The following TSPEAR variants were observed in gnomAD, a reference collection of about 807,000 sequenced individuals.
TSPEAR encodes the protein thrombospondin type laminin G domain and EAR repeats, also known as thrombospondin-type laminin G domain and EAR repeat-containing protein.
TSPEAR carries 69 observed loss-of-function variants against 71.6 expected under a neutral mutation model. The observed-to-expected ratio is 0.96, with a 90% CI of 0.79 to 1.18. The LOEUF (loss-of-function observed/expected upper bound fraction) is 1.18, where lower values mean the gene tolerates loss of function less well. Among genes scored for constraint, TSPEAR ranks in the 50% most tolerant of loss-of-function variants. The probability of loss-of-function intolerance (pLI) is 0.00; values close to 1 mark genes in which losing one functional copy is unlikely to be tolerated. For missense variants in TSPEAR, 971 were observed against 894.9 expected (o/e 1.09, Z -1.09); for synonymous variants, 402 against 387.2 (o/e 1.04, Z -0.45).
chr21:44,703,230 A>C (rs1601583930), intron 1 of TSPEAR, among the ~76,000 whole-genome samples: 1 of 152,210 alleles, frequency 6.6e-6, no homozygotes, highest in South Asian at 2.1e-4. Context: ...GGCTTCGGCA[A>C]CCCTAGAGAC....
chr21:44,505,061 TA>T (rs1261753960), intron 10 of TSPEAR, among the ~76,000 whole-genome samples, 180 bp from the exon 11 acceptor site: 4 of 152,196 alleles, frequency 2.6e-5, no homozygotes, highest in East Asian at 3.9e-4. Flanking sequence ...GTTGTTTGCT[TA>T]AAAAAAATTT....
intron 2 of TSPEAR, among the ~76,000 whole-genome samples, chr21:44,540,662 G>A (rs782557789): frequency 2.0e-5 from 3 of 152,230 alleles, no homozygotes; most frequent in Non-Finnish European, 4.4e-5. Flanking sequence ...CAGCCGGAGA[G>A]AAGGTGCAGC....
At position 44,612,856 on chromosome 21, in the gene TSPEAR, C is replaced by G; in HGVS notation, c.83-44851G>C. On this transcript the variant is annotated intron_variant, in intron 1 of 11. Coordinates refer to ENST00000323084, the MANE Select transcript of TSPEAR (RefSeq NM_144991.3). The surrounding 1 kb of genome is among the most constrained non-coding windows in gnomAD (Gnocchi z 4.1). ...CCTGCCTGTCCTTCCTCTGCCGCCCCGCGTGCTCCCGCCTGGCCTGCTGAG... is the reference window on the plus strand; with the variant it reads ...CCTGCCTGTCCTTCCTCTGCCGCCCGGCGTGCTCCCGCCTGGCCTGCTGAG... 1.2e-6 allele frequency: 2 copies of G among 1,612,182 alleles called. No individual in the cohort carries two copies. The highest frequency in any genetic ancestry group is 2.2e-5 in the East Asian group (1 of 44,854).
At chr21:44,676,488 G>T in intron 1 of TSPEAR, 2 of 858,076 alleles carry the variant, frequency 2.3e-6, no homozygotes, top group Admixed American at 1.8e-5. Context: ...TCTGAACAGC[G>T]TGTTCGATTC....
chr21:44,647,119 T>G (rs73909208), intron 1 of TSPEAR: 1 of 1,614,138 alleles, frequency 6.2e-7, no homozygotes, highest in East Asian at 2.2e-5. Context: ...GCAGCCTAGC[T>G]GCCAGCCAGC....
rs1321390903 is a variant in TSPEAR at position 44,522,103 on chromosome 21, T to C, written c.1346A>G (p.His449Arg). The C allele has an allele frequency of 1.1e-5, 17 of 1,613,970 alleles. No individual in the cohort carries two copies. The highest frequency in any genetic ancestry group is 1.4e-5 in the Non-Finnish European group (16 of 1,179,966). The change falls in exon 9 of 12, where the codon CAC becomes CGC. Residue 449 changes from histidine to arginine, a missense_variant. Physicochemically the swap from His to Arg is conservative, Grantham distance 29 (BLOSUM62 0). Transcript: ENST00000323084. ...AVANHREGDN[H>R]NIDSVIYKWN... ...CTTGTAGATGACACTGTCGATGTTG[T>C]GGTTGTCGCCTGGAACCAAGGGACT...
chr21:44,708,231 C>T (rs1221206705), intron 1 of TSPEAR, among the ~76,000 whole-genome samples: 10 of 152,222 alleles, frequency 6.6e-5, no homozygotes, highest in African/African-American at 2.4e-4. Context: ...GAGTGGGGAG[C>T]TGGGCCCCCT....
intron 1 of TSPEAR, among the ~76,000 whole-genome samples, chr21:44,599,465 T>G (rs1460144802): frequency 2.0e-5 from 3 of 152,150 alleles, no homozygotes; most frequent in Admixed American, 2.0e-4. Flanking sequence ...GGGCCACTTC[T>G]CAGGGCCGCA....
Position 44,642,817 on chromosome 21 carries a change from G to C in TSPEAR, c.82+68616C>G, listed in dbSNP as rs946993277. 2.6e-4 allele frequency among the ~76,000 whole-genome samples: 39 copies of C among 152,138 alleles called. No individual in the cohort carries two copies. Among genetic ancestry groups the C allele is most frequent in the Admixed American group, 2.4e-3 (36 of 15,284 alleles). Reference sequence around the variant, plus strand: ...AGATTGTGCCACTGCACTCCAGCCTGGGCAACAGAGCGAGACTCTATCTCA... The same window carrying C: ...AGATTGTGCCACTGCACTCCAGCCTCGGCAACAGAGCGAGACTCTATCTCA... On this transcript the variant is annotated intron_variant, in intron 1 of 11. Transcript: ENST00000323084. This position sits in a 1 kb window ranked among gnomAD's most constrained non-coding sequence, Gnocchi z 4.1.
intron 1 of TSPEAR, among the ~76,000 whole-genome samples, chr21:44,602,856 G>A (rs1369202808): frequency 6.6e-5 from 10 of 152,118 alleles, no homozygotes; most frequent in Non-Finnish European, 7.4e-5. Flanking sequence ...TCCCTTGGTT[G>A]ATTTTGCTCA....
chr21:44,693,118 C>G (rs1373773973), intron 1 of TSPEAR, among the ~76,000 whole-genome samples: 1 of 152,074 alleles, frequency 6.6e-6, no homozygotes. Context: ...AAAGAATAAT[C>G]TCTTCAACAA....
intron 1 of TSPEAR, chr21:44,611,990 T>G: frequency 8.8e-7 from 1 of 1,135,496 alleles, no homozygotes; most frequent in Non-Finnish European, 1.3e-6. Context: ...GGAAGGCTTG[T>G]GAGACTCCTG....
chr21:44,698,457 G>T (rs1555951087), intron 1 of TSPEAR, among the ~76,000 whole-genome samples: 1 of 152,210 alleles, frequency 6.6e-6, no homozygotes, highest in East Asian at 1.9e-4. Flanking sequence ...GTCCCAGGGA[G>T]GGTCAACGGA....
At chr21:44,586,139 C>A (rs1283532991) in intron 1 of TSPEAR, among the ~76,000 whole-genome samples, 1 of 152,242 alleles carries the variant, frequency 6.6e-6, no homozygotes, top group Non-Finnish European at 1.5e-5. Context: ...GGGCACCAGG[C>A]GGTTCTTCTT....
rs2053024460 is a variant in TSPEAR, at chr21:44,533,756, C to T, written c.471G>A (p.Trp157Ter). The change falls in exon 3 of 12, where the codon TGG becomes TGA. Residue 157 changes from tryptophan to a stop codon, truncating the protein, a stop_gained. Transcript: ENST00000323084. LOFTEE classifies it high-confidence loss of function. ...FRSPALVDGR[W>*]HTLVLAVSAG... ...CGGACACAGCCAGGACCAGTGTGTG[C>T]CAGCGGCCATCCACCAGGGCCGGGC... 6.2e-7 allele frequency: 1 copy of T among 1,612,416 alleles called. No individual in the cohort carries two copies. Among genetic ancestry groups the T allele is most frequent in the Non-Finnish European group, 8.5e-7 (1 of 1,179,874 alleles).
chr21:44,504,696 A>C (rs1240314430), intron 11 of TSPEAR, 84 bp downstream of exon 11: 1 of 627,768 alleles, frequency 1.6e-6, no homozygotes, highest in African/African-American at 2.0e-5. Context: ...TGGGGAAGCA[A>C]GTCTCTTGGA....
chr21:44,525,733 A>T lies in TSPEAR; in HGVS notation c.1256T>A (p.Ile419Asn). The T allele has an allele frequency of 6.2e-7, 1 of 1,614,102 alleles. No homozygotes were observed. Among genetic ancestry groups the T allele is most frequent in the Non-Finnish European group, 8.5e-7 (1 of 1,180,012 alleles). Residue 419 changes from isoleucine (I) to asparagine (N), a missense_variant, in exon 8 of 12, where the codon ATT becomes AAT. By Grantham distance (149) the Ile-to-Asn change is moderately radical (BLOSUM62 -3). Transcript: ENST00000323084. ...CCAGTCTCGGGCGCTGTGTGTGGCAATGCTCTGATATGGGGTAAACTTCAG... is the reference window on the plus strand; with the variant it reads ...CCAGTCTCGGGCGCTGTGTGTGGCATTGCTCTGATATGGGGTAAACTTCAG... ...RKLKFTPYQS[I>N]ATHSARDWEA...
intron 10 of TSPEAR, among the ~76,000 whole-genome samples, chr21:44,507,579 C>T (rs1347865240): frequency 1.3e-5 from 2 of 152,248 alleles, no homozygotes; most frequent in African/African-American, 4.8e-5. Flanking sequence ...GTCCATACCA[C>T]TGTCCAGTGG....
intron 2 of TSPEAR, among the ~76,000 whole-genome samples, chr21:44,538,601 G>A (rs2053138367): frequency 6.6e-6 from 1 of 152,186 alleles, no homozygotes; most frequent in South Asian, 2.1e-4. Context: ...CCCTCGGGCG[G>A]GCGGCACACA....
Sources: gnomAD v4.1 joint callset for allele counts (sites outside exome capture counted in the v4.1 genomes callset) on GRCh38, gnomAD v4.1.1 for gene constraint, Gnocchi (gnomAD v3.1) non-coding constraint, MANE v1.5 for transcripts, NCBI Gene and HGNC (gene_info 2026-07-23, HGNC 2026-07-21) for gene names.